The following OXSR1 variants were observed in gnomAD, a reference collection of about 807,000 sequenced individuals.
OXSR1 encodes serine/threonine-protein kinase OSR1.
OXSR1 carries 24 observed loss-of-function variants against 79.8 expected under a neutral mutation model. That is an observed-to-expected ratio of 0.30 (90% CI 0.22 to 0.42). OXSR1 has a LOEUF of 0.42. Ranked by LOEUF, OXSR1 falls within the 10% of genes least tolerant of loss-of-function variation. OXSR1 has a pLI of 1.00. For synonymous variants in OXSR1, 226 were observed against 209.2 expected, an observed-to-expected ratio of 1.08 and a Z score of -0.69; for missense variants, 430 against 618.4, an observed-to-expected ratio of 0.70 and a Z score of 3.23.
chr3:38,168,717 GTC>G (rs759035429), intron 1 of OXSR1, among the ~76,000 whole-genome samples: 5 of 152,104 alleles, frequency 3.3e-5, no homozygotes, highest in Admixed American at 6.5e-5. Flanking sequence ...TATACTTTCT[GTC>G]TCTATAGATT....
At chr3:38,241,884 C>T (rs1317913874) in intron 11 of OXSR1, among the ~76,000 whole-genome samples, 1 of 148,524 alleles carries the variant, frequency 6.7e-6, no homozygotes, top group Non-Finnish European at 1.5e-5. Flanking sequence ...TTTGATTACT[C>T]CTTAATGAAA....
chr3:38,242,073 C>A (rs1703047313), intron 11 of OXSR1, among the ~76,000 whole-genome samples: 1 of 152,076 alleles, frequency 6.6e-6, no homozygotes, highest in Non-Finnish European at 1.5e-5. Flanking sequence ...AAATAAACAG[C>A]TTAAATTTTC....
At chr3:38,246,299 A>G in intron 13 of OXSR1, 78 bp downstream of exon 13, 12 of 1,351,590 alleles carry the variant, frequency 8.9e-6, no homozygotes, top group Non-Finnish European at 1.1e-5. Context: ...AATATAACCT[A>G]ATGTAATCAG....
chr3:38,219,167 G>A (rs1481011494), intron 5 of OXSR1, among the ~76,000 whole-genome samples: 1 of 152,072 alleles, frequency 6.6e-6, no homozygotes, highest in Non-Finnish European at 1.5e-5. Flanking sequence ...GGTAAAGGGG[G>A]TATTATCACT....
intron 4 of OXSR1, among the ~76,000 whole-genome samples, chr3:38,209,916 C>G (rs879274206): frequency 6.6e-5 from 10 of 152,204 alleles, no homozygotes; most frequent in Admixed American, 1.3e-4. Context: ...GCCACCGTGC[C>G]CCGGCCAAGA....
chr3:38,208,232 T>C (rs891364689), intron 4 of OXSR1, among the ~76,000 whole-genome samples: 1 of 152,078 alleles, frequency 6.6e-6, no homozygotes, highest in Non-Finnish European at 1.5e-5. Flanking sequence ...TTTGTTAACA[T>C]GTTAACCAGG....
At chr3:38,208,243 T>G (rs1277150428) in intron 4 of OXSR1, among the ~76,000 whole-genome samples, 1 of 152,080 alleles carries the variant, frequency 6.6e-6, no homozygotes, top group Non-Finnish European at 1.5e-5. Flanking sequence ...GTTAACCAGG[T>G]ATAGGAACAA....
At chr3:38,205,605 T>G (rs531072939) in intron 4 of OXSR1, among the ~76,000 whole-genome samples, 1 of 152,340 alleles carries the variant, frequency 6.6e-6, no homozygotes, top group South Asian at 2.1e-4. Context: ...ACTGATGACC[T>G]TCTCCTGCTG....
chr3:38,179,869 C>T (rs937364033), intron 1 of OXSR1, among the ~76,000 whole-genome samples: 2 of 151,660 alleles, frequency 1.3e-5, no homozygotes, highest in Non-Finnish European at 2.9e-5. Flanking sequence ...AGGAAAGTGG[C>T]GCAATCTCAG....
intron 1 of OXSR1, among the ~76,000 whole-genome samples, chr3:38,178,735 C>T (rs1701725562): frequency 6.6e-6 from 1 of 150,788 alleles, no homozygotes; most frequent in East Asian, 1.9e-4. Flanking sequence ...GCCATGACCT[C>T]CTGAAGTGCT....
intron 10 of OXSR1, among the ~76,000 whole-genome samples, chr3:38,233,034 T>G (rs1412607818): frequency 6.6e-6 from 1 of 151,968 alleles, no homozygotes; most frequent in Non-Finnish European, 1.5e-5. Flanking sequence ...ACAGGAAGAT[T>G]GGTTGACAAT....
chr3:38,223,010 T>C (rs985096417), intron 6 of OXSR1, among the ~76,000 whole-genome samples: 2 of 152,250 alleles, frequency 1.3e-5, no homozygotes, highest in Non-Finnish European at 2.9e-5. Context: ...TCACTGTTGG[T>C]GAACATTCAG....
Position 38,252,356 on chromosome 3 carries a change from A to C in OXSR1, c.1473A>C (p.Glu491Asp), listed in dbSNP as rs1254834800. The part of the protein sequence containing the change: ...IVAANLQKIV[E>D]EPQSNRSVTF... ...CAGCTAATTTGCAGAAAATTGTGGA[A>C]GAACCTCAGTCAAATCGATCTGTCA... Residue 491 changes from glutamate to aspartate, a missense_variant, in exon 17 of 18, where the codon GAA becomes GAC. By Grantham distance (45) the Glu-to-Asp change is conservative. This residue lies in a region of OXSR1 where 276 missense variants were observed against 354.2 expected (regional missense o/e 0.78). Coordinates refer to ENST00000311806, the MANE Select transcript of OXSR1 (RefSeq NM_005109.3). 1.9e-6 allele frequency: 3 copies of C among 1,612,082 alleles called. No homozygotes were observed. The South Asian group carries it at 3.3e-5, about 18-fold the overall frequency.
chr3:38,178,125 T>G (rs2125804823), intron 1 of OXSR1, among the ~76,000 whole-genome samples: 1 of 152,114 alleles, frequency 6.6e-6, no homozygotes, highest in South Asian at 2.1e-4. Flanking sequence ...ATTTTTGTAT[T>G]GTTTTAATAG....
intron 11 of OXSR1, among the ~76,000 whole-genome samples, chr3:38,241,965 G>T (rs550218886): frequency 6.0e-5 from 9 of 150,058 alleles, no homozygotes; most frequent in Non-Finnish European, 1.3e-4. Flanking sequence ...GTCCATCATT[G>T]TCAGAATTTA....
At position 38,170,570 on chromosome 3, in the gene OXSR1, G is replaced by T. The variant is rs541624024; in HGVS notation, c.70+4624G>T. 2.6e-5 allele frequency among the ~76,000 whole-genome samples: 4 copies of T among 152,112 alleles called. No individual in the cohort carries two copies. In the East Asian group the frequency reaches 7.7e-4, roughly 29 times the overall value. On this transcript the variant is annotated intron_variant, in intron 1 of 17. Transcript: ENST00000311806. ...AGTTAATTTTTGTGTATGGTGTGAA[G>T]TAAGGTGAACCACCTTGTTTTACAG...
chr3:38,176,246 T>C (rs1701674365), intron 1 of OXSR1, among the ~76,000 whole-genome samples: 2 of 152,208 alleles, frequency 1.3e-5, no homozygotes, highest in Admixed American at 6.5e-5. Flanking sequence ...GTTAAACAAC[T>C]GTATTAAGGA....
intron 17 of OXSR1, 112 bp downstream of exon 17, chr3:38,252,504 G>T: frequency 1.2e-6 from 1 of 835,964 alleles, no homozygotes; most frequent in Admixed American, 1.7e-5. Flanking sequence ...GTGGTGGATT[G>T]TGTTCATTTA....
chr3:38,241,552 G>C (rs1381387384), intron 11 of OXSR1, among the ~76,000 whole-genome samples: 3 of 152,024 alleles, frequency 2.0e-5, no homozygotes, highest in African/African-American at 7.2e-5. Context: ...TGATTATTAA[G>C]TGGTAAACAG....
Sources: allele counts gnomAD v4.1 joint callset (sites outside exome capture counted in the v4.1 genomes callset), GRCh38; gene constraint gnomAD v4.1.1; regional missense constraint gnomAD v4.1.1; transcripts MANE v1.5; gene names NCBI Gene and HGNC (gene_info 2026-07-23, HGNC 2026-07-21).